The following IL1RAPL1 variants were observed in gnomAD, a reference collection of about 807,000 sequenced individuals.
IL1RAPL1 encodes interleukin 1 receptor accessory protein like 1, also known as interleukin-1 receptor accessory protein-like 1.
In IL1RAPL1, 3 loss-of-function variants were observed where a neutral mutation model predicts 48.4. The ratio of observed to expected loss-of-function variants is 0.06; its 90% CI spans 0.03 to 0.16. The LOEUF (loss-of-function observed/expected upper bound fraction) is 0.16. Among genes scored for constraint, IL1RAPL1 ranks in the 10% least tolerant of loss-of-function variants. The pLI, the probability that IL1RAPL1 is intolerant of heterozygous loss-of-function variation, is 1.00. For synonymous variants in IL1RAPL1, 185 were observed against 187.7 expected (o/e 0.99, Z 0.12); for missense variants, 349 against 530.6 (o/e 0.66, Z 3.36).
intron 2 of IL1RAPL1, among the ~76,000 whole-genome samples, chrX:29,228,029 A>G (rs971883898): frequency 9.1e-6 from 1 of 110,044 alleles, no homozygotes; most frequent in Non-Finnish European, 1.9e-5. Flanking sequence ...GAAAATATTT[A>G]CAAAACAAAT....
intron 2 of IL1RAPL1, among the ~76,000 whole-genome samples, chrX:29,181,668 G>A (rs1280232345): frequency 9.0e-6 from 1 of 111,142 alleles, no homozygotes; most frequent in Non-Finnish European, 1.9e-5. Context: ...ATGCCCCTGT[G>A]GTATTTATAT....
At chrX:29,282,789 T>C (rs1315223901) in intron 2 of IL1RAPL1, 149 bp from the exon 3 acceptor site, 9 of 543,829 alleles carry the variant, frequency 1.7e-5, no homozygotes, top group Non-Finnish European at 2.4e-5. Flanking sequence ...CTCAGTTTGA[T>C]TCATTGCTAT....
intron 6 of IL1RAPL1, among the ~76,000 whole-genome samples, chrX:29,917,202 G>A (rs1932806210): frequency 8.9e-6 from 1 of 112,073 alleles, no homozygotes; most frequent in African/African-American, 3.2e-5. Context: ...CAGGCAAACC[G>A]AACGGGAAAA....
intron 3 of IL1RAPL1, among the ~76,000 whole-genome samples, chrX:29,391,533 T>G (rs1250438255): frequency 9.0e-6 from 1 of 111,127 alleles, no homozygotes; most frequent in Admixed American, 9.6e-5. Context: ...TATCAGATTT[T>G]GGGGACTTTA....
In IL1RAPL1 at chrX:29,196,278, A is replaced by C. The variant is rs1001242311; in HGVS notation, c.83-86660A>C. ...AGAGAATGTTTCTCCTTAGCAATAA[A>C]GAACGACAACTGCTTTGTTCTAGCT... On this transcript the variant is annotated intron_variant, in intron 2 of 10. Transcript: ENST00000378993. 3.6e-5 allele frequency among the ~76,000 whole-genome samples: 4 copies of C among 112,417 alleles called. No individual in the cohort carries two copies. In the East Asian group the frequency reaches 8.4e-4, roughly 24 times the overall value.
At chrX:29,385,456 T>TA (rs1343747221) in intron 3 of IL1RAPL1, among the ~76,000 whole-genome samples, 12 of 107,678 alleles carry the variant, frequency 1.1e-4, no homozygotes, top group South Asian at 7.9e-4. Context: ...TCCGTCTCAA[T>TA]AAAAAAAAAA....
chrX:29,846,878 C>A (rs1931262311), intron 6 of IL1RAPL1, among the ~76,000 whole-genome samples: 1 of 109,008 alleles, frequency 9.2e-6, no homozygotes, highest in African/African-American at 3.3e-5. Flanking sequence ...TAGCTTATGT[C>A]CCTATGGGCA....
intron 5 of IL1RAPL1, among the ~76,000 whole-genome samples, chrX:29,542,772 A>T (rs906362619): frequency 1.8e-5 from 2 of 112,162 alleles, no homozygotes; most frequent in African/African-American, 6.5e-5. Flanking sequence ...TGATTATCCG[A>T]TATTAAGACT....
At chrX:29,476,753 C>T (rs1022577838) in intron 5 of IL1RAPL1, among the ~76,000 whole-genome samples, 6 of 109,543 alleles carry the variant, frequency 5.5e-5, no homozygotes, top group East Asian at 2.9e-4. Flanking sequence ...ATAGCAGGCA[C>T]TCAAAAATAC....
chrX:29,916,608 A>G (rs1031527110), intron 6 of IL1RAPL1, among the ~76,000 whole-genome samples: 9 of 111,913 alleles, frequency 8.0e-5, no homozygotes, highest in African/African-American at 1.3e-4. Context: ...TAAAACTAGT[A>G]TCTACTGGAA....
chrX:29,667,292 T>C (rs768759051), intron 5 of IL1RAPL1, among the ~76,000 whole-genome samples: 14 of 112,123 alleles, frequency 1.2e-4, no homozygotes, highest in African/African-American at 4.2e-4. Flanking sequence ...TTGTACTTAA[T>C]GTGTTTTCCT....
intron 3 of IL1RAPL1, among the ~76,000 whole-genome samples, chrX:29,364,953 T>TA (rs1437032645): frequency 4.5e-5 from 5 of 111,303 alleles, no homozygotes; most frequent in Non-Finnish European, 7.5e-5. Flanking sequence ...ATCAGTAAGG[T>TA]AAAAAACACG....
At chrX:29,868,598 A>G (rs780076194) in intron 6 of IL1RAPL1, among the ~76,000 whole-genome samples, 1 of 112,412 alleles carries the variant, frequency 8.9e-6, no homozygotes, top group East Asian at 2.8e-4. Context: ...GAATTAATGA[A>G]TATACAAATC....
chrX:29,774,157 C>T (rs1028570068), intron 6 of IL1RAPL1, among the ~76,000 whole-genome samples: 1 of 108,694 alleles, frequency 9.2e-6, no homozygotes, highest in African/African-American at 3.4e-5. Context: ...TCCCCACCCC[C>T]GCATAAAAAG....
At chrX:29,889,458 G>A (rs936498999) in intron 6 of IL1RAPL1, among the ~76,000 whole-genome samples, 1 of 111,279 alleles carries the variant, frequency 9.0e-6, no homozygotes, top group Non-Finnish European at 1.9e-5. Flanking sequence ...AAAGGGGTTT[G>A]GTAATACCCT....
At chrX:28,625,660 T>G (rs1934332055) in intron 1 of IL1RAPL1, among the ~76,000 whole-genome samples, 1 of 110,990 alleles carries the variant, frequency 9.0e-6, no homozygotes, top group Non-Finnish European at 1.9e-5. Context: ...AAATTTGACT[T>G]AGTATGTGGT....
intron 5 of IL1RAPL1, among the ~76,000 whole-genome samples, chrX:29,443,231 G>GCTCT (rs376805298): frequency 0.014 from 1,299 of 93,947 alleles, 32 homozygotes; most frequent in African/African-American, 0.046. Flanking sequence ...GCTCTCGCTT[G>GCTCT]CTCTCTCTCT....
intron 5 of IL1RAPL1, among the ~76,000 whole-genome samples, chrX:29,411,027 G>C (rs1336517944): frequency 1.8e-5 from 2 of 111,018 alleles, no homozygotes; most frequent in African/African-American, 6.6e-5. Flanking sequence ...CTCCAGGAAG[G>C]GCCTTAACAG....
intron 3 of IL1RAPL1, among the ~76,000 whole-genome samples, chrX:29,296,187 G>A (rs191119445): frequency 1.8e-5 from 2 of 111,689 alleles, no homozygotes; most frequent in African/African-American, 3.2e-5. Flanking sequence ...AGCAAGCCTG[G>A]ACATCGCAAG....
Sources: allele counts gnomAD v4.1 joint callset (sites outside exome capture counted in the v4.1 genomes callset), GRCh38; gene constraint gnomAD v4.1.1; transcripts MANE v1.5; gene names NCBI Gene and HGNC (gene_info 2026-07-23, HGNC 2026-07-21).